The following ENOX2 variants were observed in gnomAD, a reference collection of about 807,000 sequenced individuals.
ENOX2 encodes the protein ecto-NOX disulfide-thiol exchanger 2.
Under a neutral mutation model 45.0 loss-of-function variants are expected in ENOX2, and 36 were observed. The observed-to-expected ratio is 0.80, with a 90% CI of 0.61 to 1.06. The LOEUF is 1.06. Among genes scored for constraint, ENOX2 ranks in the 50% least tolerant of loss-of-function variants. The pLI is 0.00. For missense variants in ENOX2, 423 were observed against 462.5 expected, an observed-to-expected ratio of 0.91 and a Z score of 0.78; for synonymous variants, 174 against 152.3, an observed-to-expected ratio of 1.14 and a Z score of -1.05.
At chrX:130,652,154 C>A (rs2036419576) in intron 10 of ENOX2, among the ~76,000 whole-genome samples, 1 of 111,980 alleles carries the variant, frequency 8.9e-6, no homozygotes, top group African/African-American at 3.2e-5. Flanking sequence ...TAGCTCTTGC[C>A]CAGCATTGTT....
intron 12 of ENOX2, 97 bp downstream of exon 12, chrX:130,634,887 C>T (rs961619580): frequency 4.3e-6 from 2 of 463,564 alleles, no homozygotes; most frequent in African/African-American, 5.0e-5. Flanking sequence ...AATGTTTGGC[C>T]CCATTGATTT....
chrX:130,693,404 A>C (rs1308277443), intron 4 of ENOX2, among the ~76,000 whole-genome samples: 1 of 111,954 alleles, frequency 8.9e-6, no homozygotes, highest in Non-Finnish European at 1.9e-5. Context: ...GAGCTTGGAT[A>C]TTGTTATCCT....
chrX:130,695,476 C>T (rs1053956006), intron 4 of ENOX2, among the ~76,000 whole-genome samples: 2 of 110,791 alleles, frequency 1.8e-5, no homozygotes, highest in African/African-American at 3.3e-5. Context: ...CTGCACTTAA[C>T]GACTTATCCC....
chrX:130,871,460 T>A (rs1242160870), intron 2 of ENOX2, among the ~76,000 whole-genome samples: 2 of 110,882 alleles, frequency 1.8e-5, no homozygotes, highest in Non-Finnish European at 3.8e-5. Context: ...GGAGAATATA[T>A]AACGCCCAAT....
At chrX:130,836,427 A>G (rs2077927771) in intron 2 of ENOX2, among the ~76,000 whole-genome samples, 1 of 110,992 alleles carries the variant, frequency 9.0e-6, no homozygotes, top group Admixed American at 9.6e-5. Context: ...GATCCTTTGT[A>G]CAATGCACAA....
At chrX:130,810,250 C>T (rs1273285198) in intron 2 of ENOX2, among the ~76,000 whole-genome samples, 2 of 110,929 alleles carry the variant, frequency 1.8e-5, no homozygotes, top group African/African-American at 6.6e-5. Context: ...TACTCACAGA[C>T]TGAACCTCTA....
At chrX:130,886,170 G>A (rs1230793828) in intron 2 of ENOX2, among the ~76,000 whole-genome samples, 2 of 112,597 alleles carry the variant, frequency 1.8e-5, no homozygotes, top group Non-Finnish European at 3.7e-5. Flanking sequence ...ACGTAACCTT[G>A]AAATATTGTC....
At chrX:130,801,974 G>A (rs1289184861) in intron 2 of ENOX2, among the ~76,000 whole-genome samples, 4 of 112,129 alleles carry the variant, frequency 3.6e-5, no homozygotes, top group Non-Finnish European at 5.6e-5. Flanking sequence ...CTTGAAGACA[G>A]GGGATCCTGT....
At chrX:130,651,312 C>G (rs1011189623) in intron 10 of ENOX2, among the ~76,000 whole-genome samples, 16 of 112,182 alleles carry the variant, frequency 1.4e-4, no homozygotes, top group Non-Finnish European at 3.0e-4. Context: ...ATTCCCATCT[C>G]AAACACAGAA....
At chrX:130,658,219 G>C (rs1421424531) in intron 9 of ENOX2, among the ~76,000 whole-genome samples, 4 of 111,347 alleles carry the variant, frequency 3.6e-5, no homozygotes, top group South Asian at 7.5e-4. Flanking sequence ...CCATATCTGG[G>C]TGATTCTACA....
chrX:130,691,620 T>C (rs993895060), intron 4 of ENOX2, among the ~76,000 whole-genome samples: 4 of 112,737 alleles, frequency 3.5e-5, no homozygotes, highest in Non-Finnish European at 7.5e-5. Context: ...TTACAAACTG[T>C]TATTTTTCGT....
intron 9 of ENOX2, among the ~76,000 whole-genome samples, chrX:130,657,591 A>G (rs1339006947): frequency 8.9e-6 from 1 of 112,540 alleles, no homozygotes; most frequent in African/African-American, 3.2e-5. Context: ...AGCACAAGGA[A>G]GATTCCCAAC....
intron 13 of ENOX2, among the ~76,000 whole-genome samples, chrX:130,630,028 A>G (rs968107252): frequency 1.9e-4 from 21 of 111,810 alleles, no homozygotes; most frequent in African/African-American, 6.8e-4. Flanking sequence ...TCGGGTCGGT[A>G]ATATCATTAT....
At chrX:130,693,234 A>G (rs1376160513) in intron 4 of ENOX2, among the ~76,000 whole-genome samples, 1 of 112,308 alleles carries the variant, frequency 8.9e-6, no homozygotes, top group Non-Finnish European at 1.9e-5. Context: ...AGAAATGAAT[A>G]AGACAAAAAT....
Position 130,691,255 on chromosome X carries a change from C to T in ENOX2, c.98-2237G>A, listed in dbSNP as rs777445985. 4.5e-5 allele frequency among the ~76,000 whole-genome samples: 5 copies of T among 111,743 alleles called. No individual in the cohort carries two copies. In the East Asian group the frequency reaches 8.4e-4, roughly 19 times the overall value. ...AAATAATGGCATTTAGCTCAAAGGACGAAAGCACAGAACAGATATGAAGAC... is the reference window on the plus strand; with the variant it reads ...AAATAATGGCATTTAGCTCAAAGGATGAAAGCACAGAACAGATATGAAGAC... On this transcript the variant is annotated intron_variant, in intron 4 of 14. Transcript: ENST00000394363.
chrX:130,628,143 A>G (rs777035707), intron 13 of ENOX2, 100 bp from the exon 14 acceptor site: 25 of 554,635 alleles, frequency 4.5e-5, no homozygotes, highest in Non-Finnish European at 7.4e-5. Context: ...TACAACAGAA[A>G]TATACTGGAC....
intron 5 of ENOX2, among the ~76,000 whole-genome samples, chrX:130,680,438 G>A (rs754671720): frequency 9.0e-5 from 10 of 111,455 alleles, no homozygotes; most frequent in South Asian, 3.9e-4. Context: ...AAATAAGCTC[G>A]TCTGGGAAAT....
At chrX:130,656,110 C>T (rs192695477) in intron 10 of ENOX2, among the ~76,000 whole-genome samples, 2 of 111,904 alleles carry the variant, frequency 1.8e-5, no homozygotes, top group East Asian at 5.6e-4. Flanking sequence ...CTAAGATTGT[C>T]TGGAATGGTT....
In ENOX2 at chrX:130,625,152, G is replaced by T; in HGVS notation, c.*162C>A. On this transcript the variant is annotated 3_prime_UTR_variant, in exon 15 of 15. Coordinates refer to ENST00000394363, the MANE Select transcript of ENOX2 (RefSeq NM_006375.4). ...TTCTCTTTAGGGCCTGTAGTTCGAG[G>T]TGCTGTCCTAGGATCCTTATTTTAA... The T allele has an allele frequency of 1.8e-6, 1 of 544,289 alleles. No individual in the cohort carries two copies. Among genetic ancestry groups the T allele is most frequent in the Non-Finnish European group, 2.8e-6 (1 of 353,794 alleles). The allele number at this position is 544,289 out of a possible 1,213,427, so 44.9% of individuals were successfully genotyped here.
Sources: allele counts gnomAD v4.1 joint callset (sites outside exome capture counted in the v4.1 genomes callset), GRCh38; gene constraint gnomAD v4.1.1; transcripts MANE v1.5; gene names NCBI Gene and HGNC (gene_info 2026-07-23, HGNC 2026-07-21).